Variants in PNPLA1 observed in about 807,000 individuals in gnomAD.
The protein encoded by PNPLA1 is omega-hydroxyceramide transacylase.
PNPLA1 carries 36 observed loss-of-function variants against 51.7 expected under a neutral mutation model. That is an observed-to-expected ratio of 0.70 (90% CI 0.53 to 0.92). The LOEUF (loss-of-function observed/expected upper bound fraction) is 0.92. PNPLA1 is among the 40% of genes least tolerant of loss of function. The pLI, the probability that PNPLA1 is intolerant of heterozygous loss-of-function variation, is 0.00. For missense variants in PNPLA1, 658 were observed against 682.5 expected (o/e 0.96, Z 0.40); for synonymous variants, 293 against 280.1 (o/e 1.05, Z -0.46).
intron 1 of PNPLA1, among the ~76,000 whole-genome samples, chr6:36,253,319 C>G (rs1044389396): frequency 2.6e-5 from 4 of 152,226 alleles, no homozygotes; most frequent in Admixed American, 2.6e-4. Context: ...TACTCCCTTA[C>G]TCTGCAATGT....
intron 5 of PNPLA1, 80 bp from the exon 6 acceptor site, chr6:36,301,781 A>G (rs1771056444): frequency 1.3e-6 from 2 of 1,514,772 alleles, no homozygotes; most frequent in Non-Finnish European, 1.8e-6. Flanking sequence ...CTGTTTAGGA[A>G]AATAACTCAA....
Position 36,295,449 on chromosome 6 carries a change from A to T in PNPLA1, c.775+25A>T, listed in dbSNP as rs373122482. ...AGTAAGTACCGGTGGGGCCCCAGGT[A>T]AGGGCAGTGTTGGAGGGTAGGGAAA... is the stretch of plus-strand genomic sequence containing the variant. On this transcript the variant is annotated intron_variant, in intron 5 of 8. Transcript: ENST00000636260. 4.3e-5 allele frequency: 70 copies of T among 1,611,202 alleles called. No homozygotes were observed. The Admixed American group carries it at 1.2e-3, about 26-fold the overall frequency.
At chr6:36,282,008 A>T (rs1281751396) in intron 1 of PNPLA1, among the ~76,000 whole-genome samples, 2 of 148,762 alleles carry the variant, frequency 1.3e-5, no homozygotes, top group African/African-American at 5.0e-5. Context: ...GGGCAATAAA[A>T]GTGAAACTCT....
At chr6:36,258,214 A>T (rs191789062) in intron 1 of PNPLA1, among the ~76,000 whole-genome samples, 1 of 152,260 alleles carries the variant, frequency 6.6e-6, no homozygotes, top group Non-Finnish European at 1.5e-5. Context: ...ATTTGAGCAG[A>T]GTCTATACAC....
chr6:36,295,472 A>G (rs745833940), intron 5 of PNPLA1, 48 bp downstream of exon 5: 1 of 1,585,998 alleles, frequency 6.3e-7, no homozygotes, highest in Admixed American at 1.7e-5. Flanking sequence ...GAGGGTAGGG[A>G]AAGTTCAAAC....
rs558800563 is a variant in PNPLA1 at position 36,261,016 on chromosome 6, A to C, written c.-81+17755A>C. ...TATTTTGTGTGTGCGTTTTGTAGAG[A>C]TGAGGTTTTGCCATGTCCCCCAGGC... is the stretch of plus-strand genomic sequence containing the variant. On this transcript the variant is annotated intron_variant, in intron 1 of 7. Coordinates refer to the PNPLA1 transcript ENST00000312917. 2.6e-5 allele frequency among the ~76,000 whole-genome samples: 4 copies of C among 152,088 alleles called. No individual in the cohort carries two copies. In the South Asian group the frequency reaches 6.2e-4, roughly 24 times the overall value.
chr6:36,295,793 A>C (rs1770841674), intron 5 of PNPLA1, among the ~76,000 whole-genome samples: 1 of 152,236 alleles, frequency 6.6e-6, no homozygotes, highest in African/African-American at 2.4e-5. Flanking sequence ...TCTTTCTAGT[A>C]AAATCACATT....
At chr6:36,303,262 T>C (rs918849398) in intron 6 of PNPLA1, among the ~76,000 whole-genome samples, 108 of 152,046 alleles carry the variant, frequency 7.1e-4, no homozygotes, top group African/African-American at 2.6e-3. Flanking sequence ...GCCTGGCTAA[T>C]TTTTTGTATT....
At chr6:36,278,747 G>A (rs947888495) in intron 1 of PNPLA1, among the ~76,000 whole-genome samples, 2 of 152,226 alleles carry the variant, frequency 1.3e-5, no homozygotes, top group East Asian at 1.9e-4. Flanking sequence ...ATGCAGACAA[G>A]GAGTTTGAGG....
Position 36,291,301 on chromosome 6 carries a change from T to C in PNPLA1, c.206-19T>C. On this transcript the variant is annotated intron_variant, in intron 1 of 8. Coordinates refer to ENST00000636260, the MANE Select transcript of PNPLA1 (RefSeq NM_001374623.1). ...ACTGGGTGGCACCGACCACCCCCTCTTCTCTGCTTCCTTTGCAGATGAGTA... is the reference window on the plus strand; with the variant it reads ...ACTGGGTGGCACCGACCACCCCCTCCTCTCTGCTTCCTTTGCAGATGAGTA... The C allele has an allele frequency of 6.2e-7, 1 of 1,609,096 alleles. No homozygotes were observed. Among genetic ancestry groups the C allele is most frequent in the Non-Finnish European group, 8.5e-7 (1 of 1,176,848 alleles).
chr6:36,306,238 A>G, intron 6 of PNPLA1, 54 bp from the exon 7 acceptor site: 3 of 1,316,388 alleles, frequency 2.3e-6, no homozygotes, highest in Non-Finnish European at 2.1e-6. Flanking sequence ...TTCAAAAATG[A>G]CTCCATATCC....
At chr6:36,310,135 A>G (rs938265645) in intron 8 of PNPLA1, among the ~76,000 whole-genome samples, 4 of 152,244 alleles carry the variant, frequency 2.6e-5, no homozygotes, top group African/African-American at 9.6e-5. Context: ...TCAGTGGATT[A>G]CAAGGACAAA....
At chr6:36,297,691 G>A (rs55872771) in intron 5 of PNPLA1, among the ~76,000 whole-genome samples, 47,653 of 152,126 alleles carry the variant, frequency 0.31, 8,517 homozygotes, top group Admixed American at 0.41. Flanking sequence ...TTGAAAATCC[G>A]CATTCCCCAC....
intron 1 of PNPLA1, among the ~76,000 whole-genome samples, chr6:36,283,028 G>A (rs1181381728): frequency 6.6e-6 from 1 of 152,040 alleles, no homozygotes; most frequent in East Asian, 1.9e-4. Context: ...TTTTATTTTG[G>A]AATAATGTCA....
chr6:36,305,768 CTTTTTTTTTTT>C (rs72063246), intron 6 of PNPLA1, among the ~76,000 whole-genome samples: 1 of 96,576 alleles, frequency 1.0e-5, no homozygotes, highest in Non-Finnish European at 2.0e-5. Flanking sequence ...TTACTTTTCT[CTTTTTTTTTTT>C]TTTTTTTTTT....
At chr6:36,254,735 T>C (rs1326651234) in intron 1 of PNPLA1, among the ~76,000 whole-genome samples, 1 of 152,162 alleles carries the variant, frequency 6.6e-6, no homozygotes, top group African/African-American at 2.4e-5. Flanking sequence ...ACTCTGAGCC[T>C]TGGATTCAGG....
chr6:36,253,406 AT>A (rs1445312871), intron 1 of PNPLA1, among the ~76,000 whole-genome samples: 2 of 152,230 alleles, frequency 1.3e-5, no homozygotes, highest in African/African-American at 4.8e-5. Context: ...CTTAGAATAT[AT>A]TTCCACAAAT....
intron 1 of PNPLA1, among the ~76,000 whole-genome samples, chr6:36,272,708 C>T (rs547754325): frequency 6.6e-6 from 1 of 152,258 alleles, no homozygotes; most frequent in Admixed American, 6.5e-5. Context: ...GTGAGACTTT[C>T]TGAAGGGCCG....
At chr6:36,279,097 G>GC (rs555860978) in intron 1 of PNPLA1, among the ~76,000 whole-genome samples, 369 of 152,202 alleles carry the variant, frequency 2.4e-3, no homozygotes, top group African/African-American at 8.3e-3. Flanking sequence ...AGGTGTAGTT[G>GC]CCCCCCGGTG....
Sources: allele counts gnomAD v4.1 joint callset (sites outside exome capture counted in the v4.1 genomes callset), GRCh38; gene constraint gnomAD v4.1.1; transcripts MANE v1.5; gene names NCBI Gene and HGNC (gene_info 2026-07-23, HGNC 2026-07-21).